The following PLXDC2 variants were observed in gnomAD, a reference collection of about 807,000 sequenced individuals.
PLXDC2 encodes plexin domain containing 2, also known as plexin domain-containing protein 2.
A neutral mutation model predicts 68.9 loss-of-function variants in PLXDC2; 40 were observed. The ratio of observed to expected loss-of-function variants is 0.58; its 90% CI spans 0.45 to 0.76. PLXDC2 has a LOEUF of 0.76. PLXDC2 is among the 30% of genes least tolerant of loss of function. The pLI, the probability that PLXDC2 is intolerant of heterozygous loss-of-function variation, is 0.00. For synonymous variants in PLXDC2, 243 were observed against 234.2 expected (o/e 1.04, Z -0.34); for missense variants, 644 against 661.9 (o/e 0.97, Z 0.30).
At chr10:19,989,254 G>A (rs982052484) in intron 1 of PLXDC2, among the ~76,000 whole-genome samples, 1 of 152,160 alleles carries the variant, frequency 6.6e-6, no homozygotes, top group African/African-American at 2.4e-5. Flanking sequence ...CTTATAAAAT[G>A]TGGTATGCTA....
intron 12 of PLXDC2, among the ~76,000 whole-genome samples, chr10:20,220,709 T>A (rs1389450020): frequency 2.6e-5 from 4 of 152,170 alleles, no homozygotes; most frequent in Non-Finnish European, 5.9e-5. Context: ...GCATTGTTGC[T>A]GGCTTGGGGC....
chr10:20,227,219 C>T (rs1835298768), intron 12 of PLXDC2, among the ~76,000 whole-genome samples: 1 of 151,996 alleles, frequency 6.6e-6, no homozygotes, highest in Non-Finnish European at 1.5e-5. Flanking sequence ...TCTACATGGT[C>T]TGATGCCTGT....
intron 5 of PLXDC2, among the ~76,000 whole-genome samples, 187 bp downstream of exon 5, chr10:20,143,604 C>T (rs1834035158): frequency 1.3e-5 from 2 of 152,064 alleles, no homozygotes; most frequent in Non-Finnish European, 1.5e-5. Context: ...ATTCATTCAA[C>T]ACATTTATTA....
intron 1 of PLXDC2, among the ~76,000 whole-genome samples, chr10:19,875,830 T>C (rs557468032): frequency 1.4e-4 from 21 of 152,332 alleles, no homozygotes; most frequent in Non-Finnish European, 2.5e-4. Context: ...AGATGAGAGA[T>C]TTTTGTCCTC....
chr10:20,252,832 G>T (rs16920170), intron 13 of PLXDC2, among the ~76,000 whole-genome samples: 2,209 of 152,182 alleles, frequency 0.015, 46 homozygotes, highest in African/African-American at 0.047. Context: ...TACAAAAGAG[G>T]CAGTCACCAT....
chr10:20,019,442 T>C (rs1014747353), intron 2 of PLXDC2, among the ~76,000 whole-genome samples: 10 of 152,206 alleles, frequency 6.6e-5, no homozygotes, highest in African/African-American at 2.2e-4. Flanking sequence ...TTCCTGGTAA[T>C]TGATGCCTGG....
At chr10:19,972,506 C>T (rs922353799) in intron 1 of PLXDC2, among the ~76,000 whole-genome samples, 1 of 152,116 alleles carries the variant, frequency 6.6e-6, no homozygotes, top group African/African-American at 2.4e-5. Flanking sequence ...TGTTCACTAC[C>T]TGGGTGAAGA....
chr10:19,962,296 T>G (rs1053370880), intron 1 of PLXDC2, among the ~76,000 whole-genome samples: 1 of 148,078 alleles, frequency 6.8e-6, no homozygotes, highest in Admixed American at 6.7e-5. Context: ...GATTCTATCT[T>G]ACAACAGTAA....
intron 1 of PLXDC2, among the ~76,000 whole-genome samples, chr10:19,900,426 G>C (rs1399928672): frequency 1.3e-5 from 2 of 152,010 alleles, no homozygotes; most frequent in East Asian, 1.9e-4. Context: ...TTATGAAAAT[G>C]TATGCCATTT....
chr10:20,102,852 G>T (rs368108409), intron 4 of PLXDC2, among the ~76,000 whole-genome samples: 1 of 152,196 alleles, frequency 6.6e-6, no homozygotes, highest in Non-Finnish European at 1.5e-5. Context: ...AAAGCCACGG[G>T]ATAGGACAAG....
intron 2 of PLXDC2, among the ~76,000 whole-genome samples, chr10:20,003,241 GAACA>G (rs1834972043): frequency 2.0e-5 from 3 of 152,186 alleles, no homozygotes; most frequent in African/African-American, 7.2e-5. Flanking sequence ...ACCCAAATGA[GAACA>G]AACAGAGGTG....
chr10:20,139,639 T>G (rs1833974904), intron 4 of PLXDC2, among the ~76,000 whole-genome samples: 1 of 151,976 alleles, frequency 6.6e-6, no homozygotes, highest in Admixed American at 6.6e-5. Flanking sequence ...ATAAAGAAAA[T>G]GTAGCACATA....
intron 3 of PLXDC2, among the ~76,000 whole-genome samples, chr10:20,059,534 A>G (rs1054422417): frequency 2.6e-5 from 4 of 152,248 alleles, no homozygotes; most frequent in African/African-American, 4.8e-5. Flanking sequence ...GGATTAATTA[A>G]GTTCTAAGTT....
At chr10:20,257,791 T>C (rs1337585607) in intron 13 of PLXDC2, among the ~76,000 whole-genome samples, 5 of 152,120 alleles carry the variant, frequency 3.3e-5, no homozygotes, top group Non-Finnish European at 7.3e-5. Flanking sequence ...TATGTCCTTT[T>C]CACAAATTTC....
At chr10:19,914,555 C>T (rs535258234) in intron 1 of PLXDC2, among the ~76,000 whole-genome samples, 1 of 152,296 alleles carries the variant, frequency 6.6e-6, no homozygotes, top group South Asian at 2.1e-4. Flanking sequence ...TCAAGGATTT[C>T]TTAGGTTCTT....
intron 1 of PLXDC2, among the ~76,000 whole-genome samples, chr10:19,940,785 G>T (rs1339152211): frequency 6.6e-6 from 1 of 152,162 alleles, no homozygotes; most frequent in Non-Finnish European, 1.5e-5. Flanking sequence ...AAGGAATTCT[G>T]TCAGAGTAGT....
At chr10:19,933,760 A>C (rs1022476156) in intron 1 of PLXDC2, among the ~76,000 whole-genome samples, 4 of 150,796 alleles carry the variant, frequency 2.7e-5, no homozygotes, top group Admixed American at 6.6e-5. Flanking sequence ...CTGAAAAGGA[A>C]GATAAAGTAT....
At chr10:19,820,507 G>A (rs1172652761) in intron 1 of PLXDC2, among the ~76,000 whole-genome samples, 4 of 152,108 alleles carry the variant, frequency 2.6e-5, no homozygotes, top group African/African-American at 9.6e-5. Flanking sequence ...GGTGGCGGGC[G>A]CCTGTAGTCC....
At chr10:19,947,625 C>T (rs1472803880) in intron 1 of PLXDC2, among the ~76,000 whole-genome samples, 1 of 151,986 alleles carries the variant, frequency 6.6e-6, no homozygotes, top group African/African-American at 2.4e-5. Flanking sequence ...ATTACATCTT[C>T]CCTAAAAATT....
Sources: gnomAD v4.1 joint callset for allele counts (sites outside exome capture counted in the v4.1 genomes callset) on GRCh38, gnomAD v4.1.1 for gene constraint, MANE v1.5 for transcripts, NCBI Gene and HGNC (gene_info 2026-07-23, HGNC 2026-07-21) for gene names.